NMI: variants seen among roughly 807,000 people sequenced by gnomAD.
The protein encoded by NMI is N-myc-interactor.
NMI carries 39 observed loss-of-function variants against 34.3 expected under a neutral mutation model. The observed-to-expected ratio is 1.14, with a 90% CI of 0.88 to 1.49. NMI has a LOEUF of 1.49. Among genes scored for constraint, NMI ranks in the 40% most tolerant of loss-of-function variants. The pLI, the probability that NMI is intolerant of heterozygous loss-of-function variation, is 0.00. For missense variants in NMI, 339 were observed against 358.1 expected (o/e 0.95, Z 0.43); for synonymous variants, 113 against 120.3 (o/e 0.94, Z 0.40).
intron 1 of NMI, among the ~76,000 whole-genome samples, chr2:151,288,699 T>A (rs1003070391): frequency 6.6e-6 from 1 of 152,132 alleles, no homozygotes; most frequent in South Asian, 2.1e-4. Context: ...CGTAATACAA[T>A]CATATAACTG....
Position 151,270,616 on chromosome 2 carries a change from GAAAAGCATATT to G in NMI, c.*66_*76del. 5 of 1,195,772 alleles carry G rather than the reference GAAAAGCATATT, an allele frequency of 4.2e-6. No individual in the cohort carries two copies. Among genetic ancestry groups the G allele is most frequent in the Non-Finnish European group, 5.9e-6 (5 of 850,026 alleles). 74.1% of individuals were successfully genotyped at this position (1,195,772 alleles called of 1,614,324 possible). On this transcript the variant is annotated 3_prime_UTR_variant, in exon 8 of 8. Coordinates refer to ENST00000243346, the MANE Select transcript of NMI (RefSeq NM_004688.3). ...AAAATTAAAGTTTTCATTTTTTAAG[GAAAAGCATATT>G]CATTTTTGTCAAACATTTACAGTAA...
Position 151,270,744 on chromosome 2 carries a change from A to T in NMI, c.873T>A (p.Asp291Glu). The T allele has an allele frequency of 6.2e-7, 1 of 1,614,020 alleles. No homozygotes were observed. Among genetic ancestry groups the T allele is most frequent in the Non-Finnish European group, 8.5e-7 (1 of 1,179,912 alleles). The part of the protein sequence containing the change: ...QRAKNGGGEV[D>E]VVKCSLGQPH... ...GTTGACCTAGAGAACACTTGACCAC[A>T]TCTACTTCTCCACCTCCATTCTTTG... Residue 291 changes from aspartate to glutamate, a missense_variant, in exon 8 of 8, where the codon GAT becomes GAA. Physicochemically the swap from Asp to Glu is conservative, Grantham distance 45. Coordinates refer to ENST00000243346, the MANE Select transcript of NMI (RefSeq NM_004688.3).
chr2:151,271,323 T>C (rs1299178605), intron 7 of NMI, among the ~76,000 whole-genome samples: 2 of 152,224 alleles, frequency 1.3e-5, no homozygotes, highest in African/African-American at 4.8e-5. Flanking sequence ...GAATTCTTTC[T>C]CATGCTCACT....
rs1225982691 is a variant in NMI, at chr2:151,278,974, G to A, written c.194C>T (p.Pro65Leu). 1 of 1,604,306 alleles carries A rather than the reference G, an allele frequency of 6.2e-7. No individual in the cohort carries two copies. The highest frequency in any genetic ancestry group is 2.2e-5 in the East Asian group (1 of 44,718). ...TKEFQIKEDI[P>L]ETKMKFLSVE... ...TGATAAGAATTTCATCTTTGTTTCA[G>A]GAATATCCTCTTTAATCTAATCCAA... Residue 65 changes from proline to leucine, a missense_variant, in exon 4 of 8, where the codon CCT becomes CTT. Physicochemically the swap from Pro to Leu is moderately conservative, Grantham distance 98 (BLOSUM62 -3). Transcript: ENST00000243346.
chr2:151,286,304 A>G (rs1437290279), intron 1 of NMI, among the ~76,000 whole-genome samples: 2 of 152,328 alleles, frequency 1.3e-5, no homozygotes, highest in Middle Eastern at 3.4e-3. Flanking sequence ...GTTCTACAAT[A>G]CAACTGCCCT....
intron 3 of NMI, among the ~76,000 whole-genome samples, chr2:151,279,931 C>T (rs1447116360): frequency 6.6e-6 from 1 of 152,008 alleles, no homozygotes; most frequent in Admixed American, 6.6e-5. Flanking sequence ...ACAGGTGGCT[C>T]ACACTCGTAA....
At chr2:151,283,871 T>C (rs1241117226) in intron 1 of NMI, among the ~76,000 whole-genome samples, 3 of 152,238 alleles carry the variant, frequency 2.0e-5, no homozygotes, top group Non-Finnish European at 4.4e-5. Flanking sequence ...GCACCTGTGA[T>C]AGTCACCAAT....
chr2:151,271,945 C>G (rs1683195514), intron 6 of NMI, among the ~76,000 whole-genome samples: 1 of 152,084 alleles, frequency 6.6e-6, no homozygotes, highest in South Asian at 2.1e-4. Context: ...GCCTTCATTC[C>G]ATCTTGAATT....
chr2:151,275,459 G>A, intron 6 of NMI, 25 bp downstream of exon 6: 1 of 1,599,332 alleles, frequency 6.3e-7, no homozygotes, highest in Non-Finnish European at 8.6e-7. Context: ...CAGAGTGTCT[G>A]TTAACCTTCT....
At chr2:151,273,748 C>T (rs1683229917) in intron 6 of NMI, among the ~76,000 whole-genome samples, 1 of 152,130 alleles carries the variant, frequency 6.6e-6, no homozygotes, top group Non-Finnish European at 1.5e-5. Context: ...TCTTGAACTC[C>T]TGGCCTCAAG....
rs747163685 is a variant in NMI, at chr2:151,288,116, T to C, written c.-7+1477A>G. ...TCATTCCTTTTATGCAATCATGTAG[T>C]AGGCAAAACAATGGCTCCCTCAAAG... is the stretch of plus-strand genomic sequence containing the variant. On this transcript the variant is annotated intron_variant, in intron 1 of 7. Transcript: ENST00000243346. Among the ~76,000 whole-genome samples the C allele has an allele frequency of 2.6e-5, 4 of 152,194 alleles. 1 individual carries two copies. Among genetic ancestry groups the C allele is most frequent in the African/African-American group, 9.7e-5 (4 of 41,446 alleles).
At chr2:151,275,910 G>T in intron 4 of NMI, 46 bp from the exon 5 acceptor site, 1 of 1,201,118 alleles carries the variant, frequency 8.3e-7, no homozygotes, top group Non-Finnish European at 1.2e-6. Context: ...AATATTTTAA[G>T]AATTGTTATG....
At chr2:151,274,739 G>A (rs766090555) in intron 6 of NMI, among the ~76,000 whole-genome samples, 3 of 151,390 alleles carry the variant, frequency 2.0e-5, no homozygotes, top group Non-Finnish European at 4.4e-5. Flanking sequence ...GCCTCCCAAA[G>A]TGCTGGGATT....
chr2:151,285,589 G>GAAAA (rs199606248), intron 1 of NMI, among the ~76,000 whole-genome samples: 1 of 102,046 alleles, frequency 9.8e-6, no homozygotes, highest in Non-Finnish European at 2.1e-5. Flanking sequence ...CTCCATCTCA[G>GAAAA]AAAAAAAAAA....
intron 1 of NMI, 47 bp from the exon 2 acceptor site, chr2:151,283,001 A>C: frequency 1.1e-6 from 1 of 906,328 alleles, no homozygotes; most frequent in Non-Finnish European, 1.6e-6. Flanking sequence ...TATATACACA[A>C]ATTTAAGAAC....
intron 1 of NMI, among the ~76,000 whole-genome samples, chr2:151,283,451 A>AAC (rs1358931743): frequency 6.6e-6 from 1 of 152,174 alleles, no homozygotes; most frequent in Non-Finnish European, 1.5e-5. Context: ...TATTTCAAAT[A>AAC]ACTTTCACAC....
intron 1 of NMI, among the ~76,000 whole-genome samples, chr2:151,284,358 G>T (rs1443159697): frequency 6.6e-6 from 1 of 152,058 alleles, no homozygotes; most frequent in African/African-American, 2.4e-5. Flanking sequence ...GTGCAGTGGG[G>T]CATGAACACG....
At chr2:151,281,757 C>A (rs1460718897) in intron 3 of NMI, among the ~76,000 whole-genome samples, 191 bp downstream of exon 3, 1 of 152,174 alleles carries the variant, frequency 6.6e-6, no homozygotes, top group Non-Finnish European at 1.5e-5. Context: ...TATCATATGA[C>A]TATACCCCAA....
chr2:151,272,774 AC>A (rs376265980), intron 6 of NMI, among the ~76,000 whole-genome samples: 23 of 152,230 alleles, frequency 1.5e-4, no homozygotes, highest in African/African-American at 5.3e-4. Context: ...AAATTCTGAT[AC>A]ATACCACAAC....
Sources: allele counts gnomAD v4.1 joint callset (sites outside exome capture counted in the v4.1 genomes callset), GRCh38; gene constraint gnomAD v4.1.1; transcripts MANE v1.5; gene names NCBI Gene and HGNC (gene_info 2026-07-23, HGNC 2026-07-21).